CDHR3: variants seen among roughly 807,000 people sequenced by gnomAD.
The protein encoded by CDHR3 is cadherin-related family member 3.
In CDHR3, 79 loss-of-function variants were observed where a neutral mutation model predicts 86.6. The observed-to-expected ratio is 0.91, with a 90% CI of 0.76 to 1.10. The LOEUF is 1.10. CDHR3 is among the 50% of genes least tolerant of loss of function. The pLI is 0.00. For missense variants in CDHR3, 1,081 were observed against 1,077.6 expected (o/e 1.00, Z -0.04); for synonymous variants, 421 against 402.4 (o/e 1.05, Z -0.55).
At chr7:105,991,796 C>T (rs1188955571) in intron 4 of CDHR3, among the ~76,000 whole-genome samples, 1 of 152,066 alleles carries the variant, frequency 6.6e-6, no homozygotes, top group East Asian at 1.9e-4. Flanking sequence ...AAAATGAAGC[C>T]CTTTCCCTCA....
At chr7:106,012,716 A>T (rs1834999079) in intron 8 of CDHR3, 144 bp from the exon 9 acceptor site, 1 of 833,028 alleles carries the variant, frequency 1.2e-6, no homozygotes. Context: ...AGAATCAGGG[A>T]GACCAGTTAG....
At chr7:105,967,225 G>A (rs879262605) in intron 1 of CDHR3, among the ~76,000 whole-genome samples, 4 of 152,076 alleles carry the variant, frequency 2.6e-5, no homozygotes, top group African/African-American at 4.8e-5. Flanking sequence ...TTGTCCTTGC[G>A]ATAGTTTGCT....
intron 18 of CDHR3, among the ~76,000 whole-genome samples, chr7:106,031,630 A>G (rs1370733453): frequency 6.6e-6 from 1 of 152,188 alleles, no homozygotes; most frequent in Non-Finnish European, 1.5e-5. Context: ...TGTTACCATA[A>G]TGTGCCCACA....
intron 1 of CDHR3, among the ~76,000 whole-genome samples, chr7:105,971,193 G>A (rs1827915602): frequency 6.6e-6 from 1 of 151,300 alleles, no homozygotes; most frequent in African/African-American, 2.4e-5. Flanking sequence ...CTGCCTCAAA[G>A]GACTGCCTAG....
rs770549731 is a variant in CDHR3, at chr7:105,994,741, T to G, written c.514-10T>G. 1 of 1,599,990 alleles carries G rather than the reference T, an allele frequency of 6.3e-7. No homozygotes were observed. The highest frequency in any genetic ancestry group is 1.1e-5 in the South Asian group (1 of 88,740). ...GCTGATTTCATCAATTTTTTTCCCT[T>G]GTTTTTTAGTATTTCCTGATTTCTC... On this transcript the variant is annotated splice_polypyrimidine_tract_variant and intron_variant, in intron 4 of 18. Transcript: ENST00000317716.
In CDHR3 at chr7:106,015,169, C is replaced by T. The variant is rs141860028; in HGVS notation, c.1283C>T (p.Thr428Met). ...AACCTAGCAGCCGGCAATAAATATA[C>T]GGTGATAATCCAGGTGCAGGATGTG... is the stretch of plus-strand genomic sequence containing the variant. ...PSNLAAGNKYTVIIQVQDVAP... is the reference protein window; with the variant it reads ...PSNLAAGNKYMVIIQVQDVAP... The change falls in exon 10 of 19, where the codon ACG becomes ATG. Residue 428 changes from threonine (T) to methionine (M), a missense_variant. Thr to Met is a moderately conservative substitution (Grantham distance 81). Coordinates refer to ENST00000317716, the MANE Select transcript of CDHR3 (RefSeq NM_152750.5). 983 of 1,611,378 alleles carry T rather than the reference C, an allele frequency of 6.1e-4. 9 individuals are homozygous for T. The South Asian group carries it at 7.2e-3, about 12-fold the overall frequency.
intron 9 of CDHR3, among the ~76,000 whole-genome samples, chr7:106,013,918 T>A (rs538558083): frequency 6.6e-6 from 1 of 152,332 alleles, no homozygotes; most frequent in African/African-American, 2.4e-5. Flanking sequence ...TCTATAGATA[T>A]ATTTTATGTG....
In CDHR3 at chr7:106,004,507, C is replaced by A. The variant is rs1243268072; in HGVS notation, c.872C>A (p.Thr291Lys). The A allele has an allele frequency of 6.2e-7, 1 of 1,613,820 alleles. No homozygotes were observed. The highest frequency in any genetic ancestry group is 1.1e-5 in the South Asian group (1 of 91,050). The part of the protein sequence containing the change: ...KYFMINQLTG[T>K]IQVAQRIDRD... ...ACCTTTGCTTTCTCAGTGACTGGTA[C>A]AATCCAAGTGGCCCAAAGGATAGAC... is the stretch of plus-strand genomic sequence containing the variant. Residue 291 changes from threonine to lysine, a missense_variant, in exon 8 of 19, where the codon ACA becomes AAA. Coordinates refer to ENST00000317716, the MANE Select transcript of CDHR3 (RefSeq NM_152750.5).
In CDHR3 at chr7:106,034,667, A is replaced by C. The variant is rs914673505; in HGVS notation, c.*1970A>C. ...CTGATTGCCCATTTAAGGCATTGCA[A>C]ATCTGTGGGGCCCGGAGTCAAATGC... On this transcript the variant is annotated 3_prime_UTR_variant, in exon 19 of 19. Coordinates refer to ENST00000317716, the MANE Select transcript of CDHR3 (RefSeq NM_152750.5). Among the ~76,000 whole-genome samples the C allele has an allele frequency of 6.6e-6, 1 of 152,216 alleles. No individual in the cohort carries two copies. The highest frequency in any genetic ancestry group is 1.5e-5 in the Non-Finnish European group (1 of 68,034).
chr7:106,001,502 G>T lies in CDHR3; in HGVS notation c.754G>T (p.Gly252Ter). 6.2e-7 allele frequency: 1 copy of T among 1,614,016 alleles called. No homozygotes were observed. The highest frequency in any genetic ancestry group is 8.5e-7 in the Non-Finnish European group (1 of 1,179,888). Residue 252 changes from glycine to a stop codon, truncating the protein, a stop_gained, in exon 7 of 19, where the codon GGA becomes TGA. Transcript: ENST00000317716. LOFTEE classifies it high-confidence loss of function. ...VYTVLEELSP[G>*]TIVANITAED... ...CACAGTCCTGGAGGAACTGAGTCCA[G>T]GAACCATCGTGGCCAATATCACAGC...
At chr7:105,996,065 G>A (rs1246876856) in intron 5 of CDHR3, among the ~76,000 whole-genome samples, 185 bp from the exon 6 acceptor site, 1 of 152,136 alleles carries the variant, frequency 6.6e-6, no homozygotes, top group Non-Finnish European at 1.5e-5. Context: ...AGCAGCCAGC[G>A]GGTTTGGAGA....
intron 8 of CDHR3, 149 bp from the exon 9 acceptor site, chr7:106,012,711 C>T: frequency 1.2e-6 from 1 of 805,888 alleles, no homozygotes. Flanking sequence ...AGGGCAGAAT[C>T]AGGGAGACCA....
chr7:105,973,907 C>T (rs560596435), intron 1 of CDHR3, among the ~76,000 whole-genome samples: 1 of 152,206 alleles, frequency 6.6e-6, no homozygotes, highest in Non-Finnish European at 1.5e-5. Flanking sequence ...GCAGAGGTTG[C>T]AGTGAGCCAA....
intron 2 of CDHR3, among the ~76,000 whole-genome samples, chr7:105,977,531 C>G (rs765586214): frequency 1.3e-5 from 2 of 152,230 alleles, no homozygotes; most frequent in Non-Finnish European, 2.9e-5. Context: ...GCGTACAACC[C>G]TGTGTTGGTA....
intron 16 of CDHR3, chr7:106,027,672 A>AT: frequency 2.2e-6 from 1 of 454,376 alleles, no homozygotes; most frequent in Non-Finnish European, 4.4e-6. Context: ...AAAAAAAAAA[A>AT]GTTTGCTTTA....
intron 15 of CDHR3, among the ~76,000 whole-genome samples, chr7:106,025,519 C>T (rs1164390009): frequency 6.6e-6 from 1 of 152,100 alleles, no homozygotes; most frequent in African/African-American, 2.4e-5. Context: ...CAGATGAGTC[C>T]CAATGAGTTC....
chr7:105,976,915 T>C (rs907127754), intron 2 of CDHR3, among the ~76,000 whole-genome samples: 9 of 152,112 alleles, frequency 5.9e-5, no homozygotes, highest in Non-Finnish European at 5.9e-5. Context: ...CAGCATTTAG[T>C]GATGAAGATG....
intron 1 of CDHR3, among the ~76,000 whole-genome samples, chr7:105,970,401 C>T (rs561909810): frequency 1.4e-4 from 22 of 152,206 alleles, no homozygotes; most frequent in Non-Finnish European, 5.9e-5. Flanking sequence ...TTTCAGTGGG[C>T]GCCATGGCTG....
intron 14 of CDHR3, 120 bp from the exon 15 acceptor site, chr7:106,024,261 G>C: frequency 1.2e-6 from 1 of 835,260 alleles, no homozygotes; most frequent in South Asian, 1.8e-5. Context: ...GCACACAGAT[G>C]TCCAACTTAT....
Sources: allele counts gnomAD v4.1 joint callset (sites outside exome capture counted in the v4.1 genomes callset), GRCh38; gene constraint gnomAD v4.1.1; transcripts MANE v1.5; gene names NCBI Gene and HGNC (gene_info 2026-07-23, HGNC 2026-07-21).